Variants in BICC1 observed in about 807,000 individuals in gnomAD.
BICC1 encodes protein bicaudal C homolog 1.
A neutral mutation model predicts 111.0 loss-of-function variants in BICC1; 43 were observed. The observed-to-expected ratio is 0.39, with a 90% CI of 0.30 to 0.50. The LOEUF (loss-of-function observed/expected upper bound fraction) is 0.50, where lower values mean the gene tolerates loss of function less well. Ranked by LOEUF, BICC1 falls within the 20% of genes least tolerant of loss-of-function variation. The pLI is 0.88. For synonymous variants in BICC1, 467 were observed against 434.4 expected, an observed-to-expected ratio of 1.07 and a Z score of -0.93; for missense variants, 1,091 against 1,203.2, an observed-to-expected ratio of 0.91 and a Z score of 1.38.
chr10:58,667,105 T>A (rs1008108338), intron 2 of BICC1, among the ~76,000 whole-genome samples: 2 of 152,096 alleles, frequency 1.3e-5, no homozygotes, highest in African/African-American at 4.8e-5. Flanking sequence ...GCAAATTACT[T>A]ACCAAACTAG....
Position 58,815,662 on chromosome 10 carries a change from T to A in BICC1, c.2533+1676T>A, listed in dbSNP as rs531080564. ...GTCACTTTTTTTAGGGTATAGGGAG[T>A]TTAAGAGAGACTATAGAAACTACAA... is the stretch of plus-strand genomic sequence containing the variant. On this transcript the variant is annotated intron_variant, in intron 18 of 20. Coordinates refer to ENST00000373886, the MANE Select transcript of BICC1 (RefSeq NM_001080512.3). 1.4e-4 allele frequency among the ~76,000 whole-genome samples: 22 copies of A among 151,898 alleles called. No homozygotes were observed. The South Asian group carries it at 4.6e-3, about 32-fold the overall frequency.
In BICC1 at chr10:58,829,036, C is replaced by A; in HGVS notation, c.*145C>A. The A allele has an allele frequency of 1.2e-6, 1 of 864,378 alleles. No homozygotes were observed. The highest frequency in any genetic ancestry group is 1.7e-6 in the Non-Finnish European group (1 of 583,080). The allele number at this position is 864,378 out of a possible 1,614,324, so 53.5% of individuals were successfully genotyped here. A position where few individuals can be genotyped will look rare whatever the true frequency, so the allele number is the denominator to read the frequency against. On this transcript the variant is annotated 3_prime_UTR_variant, in exon 21 of 21. Transcript: ENST00000373886. ...TTTTATTCGCACCTGTACTTTATGGCAAAAAGGAAGAAGAGAGAGAAGATG... is the reference window on the plus strand; with the variant it reads ...TTTTATTCGCACCTGTACTTTATGGAAAAAAGGAAGAAGAGAGAGAAGATG...
intron 3 of BICC1, among the ~76,000 whole-genome samples, chr10:58,736,810 T>A (rs930711858): frequency 1.3e-5 from 2 of 152,150 alleles, no homozygotes; most frequent in Non-Finnish European, 2.9e-5. Flanking sequence ...TACCTAATAC[T>A]GGATGGAGAG....
At chr10:58,826,066 T>C (rs1844385755) in intron 20 of BICC1, among the ~76,000 whole-genome samples, 1 of 152,204 alleles carries the variant, frequency 6.6e-6, no homozygotes, top group Non-Finnish European at 1.5e-5. Flanking sequence ...GCCTTGCACT[T>C]TTTGCAAAAT....
Position 58,620,824 on chromosome 10 carries a change from G to T in BICC1, c.191-31G>T, listed in dbSNP as rs560674614. ...TTTTTTGAATGCATACATTGAAAAAGTATTTTAAATGTGCACATTTTTATT... is the reference window on the plus strand; with the variant it reads ...TTTTTTGAATGCATACATTGAAAAATTATTTTAAATGTGCACATTTTTATT... On this transcript the variant is annotated intron_variant, in intron 1 of 20. Transcript: ENST00000373886. 8.1e-6 allele frequency: 13 copies of T among 1,600,996 alleles called. No individual in the cohort carries two copies. The African/African-American group carries it at 9.4e-5, about 12-fold the overall frequency.
intron 1 of BICC1, among the ~76,000 whole-genome samples, chr10:58,523,171 A>T (rs1842438227): frequency 6.6e-6 from 1 of 152,226 alleles, no homozygotes; most frequent in Non-Finnish European, 1.5e-5. Flanking sequence ...TCCAATCAAT[A>T]GAAAAAGAGG....
chr10:58,635,598 C>G (rs1455559535), intron 2 of BICC1, among the ~76,000 whole-genome samples: 1 of 152,172 alleles, frequency 6.6e-6, no homozygotes, highest in Non-Finnish European at 1.5e-5. Flanking sequence ...CTTTTTATAT[C>G]CATGCTCAGA....
At chr10:58,657,473 G>A (rs896725069) in intron 2 of BICC1, among the ~76,000 whole-genome samples, 2 of 152,118 alleles carry the variant, frequency 1.3e-5, no homozygotes, top group Admixed American at 1.3e-4. Context: ...TCCCTTGATT[G>A]AACTGGCACC....
At chr10:58,732,379 G>GTATATATATATA (rs1163026692) in intron 3 of BICC1, among the ~76,000 whole-genome samples, 1 of 75,790 alleles carries the variant, frequency 1.3e-5, no homozygotes, top group African/African-American at 7.2e-5. Flanking sequence ...GTGTGTGTAT[G>GTATATATATATA]TATATATATA....
chr10:58,687,573 A>AC lies in BICC1; in HGVS notation c.238-14500dup, dbSNP rs754167739. Among the ~76,000 whole-genome samples the AC allele has an allele frequency of 3.0e-3, 449 of 151,846 alleles. 3 individuals carry two copies. The highest frequency in any genetic ancestry group is 5.3e-3 in the Non-Finnish European group (359 of 67,912). ...TGTACTCAAGCCTCAGCAATGGTAGACACCCCTTCCCCAGCCTCGCTGCCA... is the reference window on the plus strand; with the variant it reads ...TGTACTCAAGCCTCAGCAATGGTAGACCACCCCTTCCCCAGCCTCGCTGCCA... On this transcript the variant is annotated intron_variant, in intron 2 of 20. Transcript: ENST00000373886.
At chr10:58,722,857 G>A (rs1273118376) in intron 3 of BICC1, among the ~76,000 whole-genome samples, 5 of 152,150 alleles carry the variant, frequency 3.3e-5, no homozygotes, top group African/African-American at 9.7e-5. Context: ...CTAGACTGAG[G>A]AAGTGTAGAT....
At chr10:58,568,612 C>T (rs1386901530) in intron 1 of BICC1, among the ~76,000 whole-genome samples, 1 of 152,158 alleles carries the variant, frequency 6.6e-6, no homozygotes, top group Non-Finnish European at 1.5e-5. Flanking sequence ...AGAACGCCCA[C>T]ATCAGCACAC....
intron 1 of BICC1, among the ~76,000 whole-genome samples, chr10:58,551,290 A>G (rs1170961027): frequency 6.6e-6 from 1 of 152,164 alleles, no homozygotes; most frequent in East Asian, 1.9e-4. Context: ...TTATTATACA[A>G]AGGTGAATTT....
At chr10:58,807,850 A>G (rs1843759083) in intron 17 of BICC1, among the ~76,000 whole-genome samples, 1 of 152,174 alleles carries the variant, frequency 6.6e-6, no homozygotes, top group South Asian at 2.1e-4. Context: ...GCGTGCACAC[A>G]TACACAATGC....
At chr10:58,621,632 A>G (rs1041808012) in intron 2 of BICC1, among the ~76,000 whole-genome samples, 1 of 151,972 alleles carries the variant, frequency 6.6e-6, no homozygotes, top group Non-Finnish European at 1.5e-5. Flanking sequence ...GGGGCAGGGC[A>G]TGGTGGTGTG....
chr10:58,541,651 A>G (rs778200296), intron 1 of BICC1, among the ~76,000 whole-genome samples: 2 of 152,160 alleles, frequency 1.3e-5, no homozygotes, highest in African/African-American at 4.8e-5. Context: ...TACAGATTCA[A>G]TATAAGCCCT....
chr10:58,534,211 G>A lies in BICC1; in HGVS notation c.190+20878G>A, dbSNP rs1267232478. 2.0e-5 allele frequency among the ~76,000 whole-genome samples: 3 copies of A among 151,810 alleles called. No individual in the cohort carries two copies. In the East Asian group the frequency reaches 5.8e-4, roughly 30 times the overall value. ...CCCTTACCCAAGATAGCAGATTGGA[G>A]GTATTGCTAGCATGCCTCTCCCACT... On this transcript the variant is annotated intron_variant, in intron 1 of 20. Transcript: ENST00000373886.
chr10:58,543,552 T>A (rs1214909041), intron 1 of BICC1, among the ~76,000 whole-genome samples: 1 of 152,096 alleles, frequency 6.6e-6, no homozygotes, highest in Non-Finnish European at 1.5e-5. Context: ...TCCTGTCACC[T>A]AGGCTAGAGT....
rs2133014434 is a variant in BICC1, at chr10:58,830,608, A to G, written c.*1717A>G. 1.3e-5 allele frequency: 2 copies of G among 152,320 alleles called. 1 individual carries two copies. Among genetic ancestry groups the G allele is most frequent in the South Asian group, 4.1e-4 (2 of 4,826 alleles). The allele number at this position is 152,320 out of a possible 1,614,324, so 9.4% of individuals were successfully genotyped here. ...GAAGAGGCATTTTGCACACAGAAAC[A>G]TTCTCACTTTAAAAAATGGTATTGG... On this transcript the variant is annotated 3_prime_UTR_variant, in exon 21 of 21. Transcript: ENST00000373886.
Sources: allele counts gnomAD v4.1 joint callset (sites outside exome capture counted in the v4.1 genomes callset), GRCh38; gene constraint gnomAD v4.1.1; transcripts MANE v1.5; gene names NCBI Gene and HGNC (gene_info 2026-07-23, HGNC 2026-07-21).